Variants in PHYHD1 observed in about 807,000 individuals in gnomAD.
PHYHD1 encodes the protein phytanoyl-CoA dioxygenase domain containing 1.
A neutral mutation model predicts 43.6 loss-of-function variants in PHYHD1; 42 were observed. The ratio of observed to expected loss-of-function variants is 0.96; its 90% CI spans 0.75 to 1.25. The LOEUF is 1.25. Among genes scored for constraint, PHYHD1 ranks in the 50% most tolerant of loss-of-function variants. PHYHD1 has a pLI of 0.00. For missense variants in PHYHD1, 342 were observed against 370.8 expected, an observed-to-expected ratio of 0.92 and a Z score of 0.64; for synonymous variants, 139 against 143.6, an observed-to-expected ratio of 0.97 and a Z score of 0.23.
At chr9:128,924,080 C>T (rs1278345029) in intron 3 of PHYHD1, among the ~76,000 whole-genome samples, 1 of 151,952 alleles carries the variant, frequency 6.6e-6, no homozygotes, top group East Asian at 1.9e-4. Flanking sequence ...GATCATGCCA[C>T]TGCACTCCAG....
intron 6 of PHYHD1, among the ~76,000 whole-genome samples, chr9:128,934,607 A>T (rs928202963): frequency 6.6e-6 from 1 of 151,886 alleles, no homozygotes. Flanking sequence ...TGTCTCTACT[A>T]AAAATACAAA....
At chr9:128,935,182 C>G (rs187366224) in intron 6 of PHYHD1, among the ~76,000 whole-genome samples, 2 of 152,068 alleles carry the variant, frequency 1.3e-5, no homozygotes, top group Non-Finnish European at 2.9e-5. Context: ...CTTCAACTAC[C>G]GGGCTCAAGT....
intron 11 of PHYHD1, among the ~76,000 whole-genome samples, chr9:128,941,154 A>G (rs1841550692): frequency 6.6e-6 from 1 of 152,210 alleles, no homozygotes; most frequent in Non-Finnish European, 1.5e-5. Context: ...CTGGCACAGG[A>G]CAGAGGGCTT....
intron 11 of PHYHD1, 126 bp downstream of exon 11, chr9:128,940,841 G>A (rs1433955235): frequency 1.9e-5 from 18 of 934,496 alleles, no homozygotes; most frequent in Non-Finnish European, 2.9e-5. Flanking sequence ...AGAAAGAGAA[G>A]GAGGGGCTGG....
At chr9:128,926,753 C>T in intron 3 of PHYHD1, 1 of 440,184 alleles carries the variant, frequency 2.3e-6, no homozygotes, top group Non-Finnish European at 4.6e-6. Context: ...TGAGACCAGC[C>T]AGGATGGTCT....
chr9:128,933,667 C>T lies in PHYHD1; in HGVS notation c.193-115C>T, dbSNP rs1841353293. On this transcript the variant is annotated intron_variant, in intron 4 of 12. Transcript: ENST00000372592. ...TCAGTGGACAAGTCTGAGAAGCCCCCAGGGTGTCTGTAACCCTGTGAGGGT... is the reference window on the plus strand; with the variant it reads ...TCAGTGGACAAGTCTGAGAAGCCCCTAGGGTGTCTGTAACCCTGTGAGGGT... 11 of 1,135,898 alleles carry T rather than the reference C, an allele frequency of 9.7e-6. No individual in the cohort carries two copies. The Admixed American group carries it at 1.9e-4, about 19-fold the overall frequency. The allele number at this position is 1,135,898 out of a possible 1,614,324, so 70.4% of individuals were successfully genotyped here.
intron 4 of PHYHD1, among the ~76,000 whole-genome samples, chr9:128,927,721 CAGTT>C (rs1841172532): frequency 6.6e-6 from 1 of 152,194 alleles, no homozygotes; most frequent in Non-Finnish European, 1.5e-5. Flanking sequence ...CCAAGCCACA[CAGTT>C]AGTAGTGGAC....
At chr9:128,933,641 C>T in intron 4 of PHYHD1, 141 bp from the exon 5 acceptor site, 6 of 867,852 alleles carry the variant, frequency 6.9e-6, no homozygotes, top group Non-Finnish European at 1.2e-5. Context: ...CTGTCTGTGC[C>T]TCAGTGGACA....
At chr9:128,924,928 T>TC (rs1841097445) in intron 3 of PHYHD1, among the ~76,000 whole-genome samples, 1 of 152,094 alleles carries the variant, frequency 6.6e-6, no homozygotes, top group Admixed American at 6.6e-5. Context: ...AGAGTGAGAC[T>TC]CCGTCTCAAA....
At chr9:128,940,272 G>T in intron 9 of PHYHD1, 97 bp from the exon 10 acceptor site, 1 of 1,545,934 alleles carries the variant, frequency 6.5e-7, no homozygotes, top group Non-Finnish European at 8.8e-7. Context: ...GGCTGGCCCT[G>T]GAGAGCACCC....
rs202021987 is a variant in PHYHD1 at position 128,922,097 on chromosome 9, T to TA, written c.-42+54dup. On this transcript the variant is annotated intron_variant, in intron 2 of 12. Coordinates refer to ENST00000372592, the MANE Select transcript of PHYHD1 (RefSeq NM_001100876.2). The stretch of plus-strand genomic sequence containing the variant: ...CCAGAAGAAACACAGAGGAAGCAGA[T>TA]AAAATCCTTGGAGATGGGAAAGGGC... 5.1e-3 allele frequency: 2,787 copies of TA among 551,046 alleles called. 20 individuals carry two copies. The highest frequency in any genetic ancestry group is 7.7e-3 in the Non-Finnish European group (2,378 of 307,042). 34.1% of individuals were successfully genotyped at this position (551,046 alleles called of 1,614,324 possible). A position where few individuals can be genotyped will look rare whatever the true frequency, so the allele number is the denominator to read the frequency against.
intron 4 of PHYHD1, among the ~76,000 whole-genome samples, chr9:128,927,457 C>A (rs973163996): frequency 6.6e-6 from 1 of 152,034 alleles, no homozygotes; most frequent in African/African-American, 2.4e-5. Flanking sequence ...CTCACTGCAA[C>A]CTCCGCCTCC....
chr9:128,928,713 CA>C (rs1841199058), intron 4 of PHYHD1, among the ~76,000 whole-genome samples: 3 of 151,060 alleles, frequency 2.0e-5, no homozygotes, highest in Admixed American at 1.3e-4. Flanking sequence ...CAAAAAAAAA[CA>C]AAAACAAAAA....
chr9:128,941,821 C>G lies in PHYHD1; in HGVS notation c.*108C>G, dbSNP rs554660850. The G allele has an allele frequency of 6.8e-7, 1 of 1,477,762 alleles. No individual in the cohort carries two copies. Among genetic ancestry groups the G allele is most frequent in the Non-Finnish European group, 9.4e-7 (1 of 1,067,122 alleles). 91.5% of individuals were successfully genotyped at this position (1,477,762 alleles called of 1,614,324 possible). On this transcript the variant is annotated 3_prime_UTR_variant, in exon 13 of 13. Coordinates refer to ENST00000372592, the MANE Select transcript of PHYHD1 (RefSeq NM_001100876.2). ...TTGCAACAGGGAGGTCTTGTCTCCCCTCCTGGGCTTTCCTCCTGCCCTGTG... is the reference window on the plus strand; with the variant it reads ...TTGCAACAGGGAGGTCTTGTCTCCCGTCCTGGGCTTTCCTCCTGCCCTGTG...
chr9:128,937,107 T>C (rs778583674), intron 8 of PHYHD1, among the ~76,000 whole-genome samples: 14 of 151,646 alleles, frequency 9.2e-5, no homozygotes, highest in Non-Finnish European at 1.5e-4. Flanking sequence ...AGAGCAAGGC[T>C]CCGTCTCAAA....
Position 128,933,840 on chromosome 9 carries a change from G to T in PHYHD1, c.251G>T (p.Gly84Val), listed in dbSNP as rs1841358146. ...AAGATTCGATTCTTCTTTGAGAAAG[G>T]CGTTTTTGATGAGAAAGGTTTGGAG... ...GDKIRFFFEK[G>V]VFDEKGNFLV... The change falls in exon 5 of 13, where the codon GGC (glycine) becomes GTC (valine). Residue 84 changes from glycine to valine, a missense_variant. Physicochemically the swap from Gly to Val is moderately radical, Grantham distance 109. Coordinates refer to ENST00000372592, the MANE Select transcript of PHYHD1 (RefSeq NM_001100876.2). The T allele has an allele frequency of 3.1e-6, 5 of 1,614,138 alleles. No homozygotes were observed. Among genetic ancestry groups the T allele is most frequent in the Non-Finnish European group, 4.2e-6 (5 of 1,179,986 alleles).
chr9:128,929,595 C>T (rs1416043778), intron 4 of PHYHD1, among the ~76,000 whole-genome samples: 1 of 151,790 alleles, frequency 6.6e-6, no homozygotes, highest in Non-Finnish European at 1.5e-5. Flanking sequence ...ATCGCCTGAA[C>T]CCTGAAGGGA....
chr9:128,926,240 CTTTTT>C (rs1167702778), intron 3 of PHYHD1, among the ~76,000 whole-genome samples: 15 of 152,222 alleles, frequency 9.9e-5, no homozygotes, highest in Non-Finnish European at 1.8e-4. Context: ...TTTTTCTTTT[CTTTTT>C]TTGAGACGGA....
At chr9:128,936,841 G>A (rs1160944317) in intron 8 of PHYHD1, among the ~76,000 whole-genome samples, 196 bp downstream of exon 8, 3 of 152,134 alleles carry the variant, frequency 2.0e-5, no homozygotes, top group African/African-American at 4.8e-5. Context: ...GGGGCCGGGC[G>A]TGGTGGCTCA....
Sources: allele counts gnomAD v4.1 joint callset (sites outside exome capture counted in the v4.1 genomes callset), GRCh38; gene constraint gnomAD v4.1.1; transcripts MANE v1.5; gene names NCBI Gene and HGNC (gene_info 2026-07-23, HGNC 2026-07-21).